The following RAET1L variants were observed in gnomAD, a reference collection of about 807,000 sequenced individuals.
The protein encoded by RAET1L is UL16-binding protein 6.
In RAET1L, 16 loss-of-function variants were observed where a neutral mutation model predicts 23.9. The ratio of observed to expected loss-of-function variants is 0.67; its 90% CI spans 0.45 to 1.02. The LOEUF (loss-of-function observed/expected upper bound fraction) is 1.02. Ranked by LOEUF, RAET1L falls within the 50% of genes least tolerant of loss-of-function variation. RAET1L has a pLI of 0.00. For synonymous variants in RAET1L, 70 were observed against 111.2 expected (o/e 0.63, Z 2.33); for missense variants, 233 against 304.0 (o/e 0.77, Z 1.74).
intron 1 of RAET1L, among the ~76,000 whole-genome samples, chr6:150,023,634 C>G (rs550093974): frequency 4.6e-5 from 7 of 152,294 alleles, no homozygotes; most frequent in African/African-American, 1.7e-4. Flanking sequence ...GAATGATGAG[C>G]GAGGCTGGAC....
chr6:150,024,187 C>A (rs1335500396), intron 1 of RAET1L, among the ~76,000 whole-genome samples: 1 of 152,150 alleles, frequency 6.6e-6, no homozygotes, highest in Non-Finnish European at 1.5e-5. Context: ...AAGCCCCCAA[C>A]TATGGGACCC....
At position 150,022,706 on chromosome 6, in the gene RAET1L, C is replaced by G. The variant is rs1333636974; in HGVS notation, c.86-463G>C. On this transcript the variant is annotated intron_variant, in intron 1 of 4. Transcript: ENST00000367341. ...CGTTGGATAAAGAAGAGTTAATTAT[C>G]ATGGTCACAGGATGTAACATGTTGG... 5.7e-5 allele frequency among the ~76,000 whole-genome samples: 7 copies of G among 123,128 alleles called. 1 individual carries two copies. The highest frequency in any genetic ancestry group is 5.4e-4 in the Admixed American group (7 of 12,956). 80.8% of individuals were successfully genotyped at this position (123,128 alleles called of 152,430 possible).
chr6:150,021,390 G>C (rs1309127187), intron 2 of RAET1L, among the ~76,000 whole-genome samples: 1 of 140,056 alleles, frequency 7.1e-6, no homozygotes, highest in Non-Finnish European at 1.6e-5. Flanking sequence ...GCTGGATGGA[G>C]TGCAGTGGCG....
chr6:150,025,481 G>C lies in RAET1L; in HGVS notation c.-10C>G, dbSNP rs1192683213. 6.2e-7 allele frequency: 1 copy of C among 1,609,496 alleles called. No homozygotes were observed. The highest frequency in any genetic ancestry group is 1.1e-5 in the South Asian group (1 of 90,936). ...TGGCGGCTGCTGCCATTGGGGACCA[G>C]GAGGGCTGGGGACAAGAGATTTAAT... On this transcript the variant is annotated 5_prime_UTR_variant, in exon 1 of 5. Coordinates refer to ENST00000367341, the MANE Select transcript of RAET1L (RefSeq NM_130900.3).
At chr6:150,023,178 C>A (rs1418040450) in intron 1 of RAET1L, among the ~76,000 whole-genome samples, 1 of 150,936 alleles carries the variant, frequency 6.6e-6, no homozygotes, top group Non-Finnish European at 1.5e-5. Flanking sequence ...AGAGAAGTCA[C>A]AATGCCAGCT....
chr6:150,020,858 C>A, intron 3 of RAET1L, 47 bp downstream of exon 3: 3 of 1,603,586 alleles, frequency 1.9e-6, no homozygotes, highest in Non-Finnish European at 2.6e-6. Flanking sequence ...CTTGAGATCC[C>A]CATTTCTGAT....
At chr6:150,025,333 C>G in intron 1 of RAET1L, 54 bp downstream of exon 1, 2 of 1,487,656 alleles carry the variant, frequency 1.3e-6, no homozygotes, top group Non-Finnish European at 1.9e-6. Flanking sequence ...CGCTGCAGTC[C>G]ACAGTCCCTC....
At position 150,021,089 on chromosome 6, in the gene RAET1L, T is replaced by G. The variant is rs532329436; in HGVS notation, c.447A>C (p.Leu149=). 8.9e-5 allele frequency: 144 copies of G among 1,613,950 alleles called. No homozygotes were observed. The highest frequency in any genetic ancestry group is 1.6e-4 in the Middle Eastern group (1 of 6,082). The change falls in exon 3 of 5, where the codon CTA becomes CTC. Residue 149 remains leucine (L), a synonymous_variant. Coordinates refer to ENST00000367341, the MANE Select transcript of RAET1L (RefSeq NM_130900.3). ...ACATTCTCTTCTCTGAGTCAAAGAG[T>G]AGGAAGGTCTGTCCATCGATACTGA... The part of the protein sequence containing the change: ...WQFSIDGQTF[L]LFDSEKRMWT...
intron 4 of RAET1L, among the ~76,000 whole-genome samples, chr6:150,019,135 C>G (rs1444493139): frequency 6.6e-6 from 1 of 152,186 alleles, no homozygotes; most frequent in Non-Finnish European, 1.5e-5. Flanking sequence ...ACTCAAGGCC[C>G]TCTTTATCAT....
chr6:150,020,991 A>T lies in RAET1L; in HGVS notation c.545T>A (p.Phe182Tyr). The change falls in exon 3 of 5, where the codon TTC becomes TAC. Residue 182 changes from phenylalanine to tyrosine, a missense_variant. Phe to Tyr is a conservative substitution (Grantham distance 22). Coordinates refer to ENST00000367341, the MANE Select transcript of RAET1L (RefSeq NM_130900.3). ...WENDKDVAMSFHYISMGDCIG... is the reference protein window; with the variant it reads ...WENDKDVAMSYHYISMGDCIG... ...GCAGTCTCCCATTGAGATGTAATGGAAGGACATGGCCACATCCTTGTCATT... is the reference window on the plus strand; with the variant it reads ...GCAGTCTCCCATTGAGATGTAATGGTAGGACATGGCCACATCCTTGTCATT... 1 of 1,614,196 alleles carries T rather than the reference A, an allele frequency of 6.2e-7. No individual in the cohort carries two copies. Among genetic ancestry groups the T allele is most frequent in the Non-Finnish European group, 8.5e-7 (1 of 1,180,046 alleles).
chr6:150,021,156 C>T lies in RAET1L; in HGVS notation c.380G>A (p.Cys127Tyr). ...GCTGTGTCCTTCAGCTTTCTGCTCA[C>T]AAGACATCCTTGCCTGCAGGGTGAG... ...EPLTLQARMS[C>Y]EQKAEGHSSG... Residue 127 changes from cysteine (C) to tyrosine (Y), a missense_variant, in exon 3 of 5, where the codon TGT becomes TAT. This residue lies in a region of RAET1L where 139 missense variants were observed against 125.3 expected (regional missense o/e 1.11). Coordinates refer to ENST00000367341, the MANE Select transcript of RAET1L (RefSeq NM_130900.3). 6.2e-7 allele frequency: 1 copy of T among 1,613,818 alleles called. No individual in the cohort carries two copies. Among genetic ancestry groups the T allele is most frequent in the Non-Finnish European group, 8.5e-7 (1 of 1,179,818 alleles).
rs1383634401 is a variant in RAET1L at position 150,020,963 on chromosome 6, T to C, written c.573A>G (p.Ile191Met). Residue 191 changes from isoleucine to methionine, a missense_variant, in exon 3 of 5, where the codon ATA becomes ATG. Physicochemically the swap from Ile to Met is conservative, Grantham distance 10. Transcript: ENST00000367341. ...SFHYISMGDC[I>M]GWLEDFLMGM... ...CCATCAAGAAGTCCTCAAGCCATCC[T>C]ATGCAGTCTCCCATTGAGATGTAAT... 1 of 1,614,238 alleles carries C rather than the reference T, an allele frequency of 6.2e-7. No individual in the cohort carries two copies. Among genetic ancestry groups the C allele is most frequent in the Non-Finnish European group, 8.5e-7 (1 of 1,180,046 alleles).
intron 1 of RAET1L, 60 bp downstream of exon 1, chr6:150,025,327 G>T: frequency 7.1e-7 from 1 of 1,417,866 alleles, no homozygotes; most frequent in Non-Finnish European, 9.9e-7. Context: ...GAAACCCGCT[G>T]CAGTCCACAG....
chr6:150,019,231 G>T (rs910033660), intron 4 of RAET1L, among the ~76,000 whole-genome samples: 1 of 152,212 alleles, frequency 6.6e-6, no homozygotes, highest in Non-Finnish European at 1.5e-5. Context: ...GGCCTTTGGT[G>T]GGCCTGCAGG....
intron 2 of RAET1L, among the ~76,000 whole-genome samples, chr6:150,021,610 T>TC (rs1779889664): frequency 7.4e-6 from 1 of 134,564 alleles, no homozygotes; most frequent in Admixed American, 7.2e-5. Flanking sequence ...TTTTTTTTTT[T>TC]TTTGAGACAA....
rs1775878703 is a variant in RAET1L at position 150,025,490 on chromosome 6, G to T, written c.-19C>A. 2 of 1,603,666 alleles carry T rather than the reference G, an allele frequency of 1.2e-6. No homozygotes were observed. Among genetic ancestry groups the T allele is most frequent in the Non-Finnish European group, 1.7e-6 (2 of 1,170,966 alleles). Reference sequence around the variant, plus strand: ...CTGCCATTGGGGACCAGGAGGGCTGGGGACAAGAGATTTAATCAAGGTGGA... The same window carrying T: ...CTGCCATTGGGGACCAGGAGGGCTGTGGACAAGAGATTTAATCAAGGTGGA... On this transcript the variant is annotated 5_prime_UTR_variant, in exon 1 of 5. Coordinates refer to ENST00000367341, the MANE Select transcript of RAET1L (RefSeq NM_130900.3).
chr6:150,020,371 C>G (rs1779870157), intron 3 of RAET1L, 132 bp from the exon 4 acceptor site: 1 of 1,541,894 alleles, frequency 6.5e-7, no homozygotes, highest in Non-Finnish European at 8.8e-7. Context: ...TGTGGGGCAG[C>G]CAGTATGACA....
At chr6:150,021,882 G>A (rs370097250) in intron 2 of RAET1L, 98 bp downstream of exon 2, 16 of 1,437,656 alleles carry the variant, frequency 1.1e-5, no homozygotes, top group Middle Eastern at 1.8e-4. Context: ...GTGAGCCACC[G>A]TGCCCAGGAC....
intron 3 of RAET1L, among the ~76,000 whole-genome samples, chr6:150,020,603 A>C (rs1006963560): frequency 2.6e-5 from 4 of 152,156 alleles, no homozygotes; most frequent in African/African-American, 9.7e-5. Context: ...TGATTCTCAA[A>C]AGAGGAAACA....
Sources: gnomAD v4.1 joint callset for allele counts (sites outside exome capture counted in the v4.1 genomes callset) on GRCh38, gnomAD v4.1.1 for gene constraint, gnomAD v4.1.1 regional missense constraint, MANE v1.5 for transcripts, NCBI Gene and HGNC (gene_info 2026-07-23, HGNC 2026-07-21) for gene names.